GRID2IP: variants seen among roughly 807,000 people sequenced by gnomAD.
The protein encoded by GRID2IP is delphilin.
In GRID2IP, 78 loss-of-function variants were observed where a neutral mutation model predicts 114.3. That is an observed-to-expected ratio of 0.68 (90% CI 0.57 to 0.82). GRID2IP has a LOEUF of 0.82. Among genes scored for constraint, GRID2IP ranks in the 40% least tolerant of loss-of-function variants. The pLI is 0.00. For missense variants in GRID2IP, 1,727 were observed against 1,678.5 expected, an observed-to-expected ratio of 1.03 and a Z score of -0.51; for synonymous variants, 809 against 724.0, an observed-to-expected ratio of 1.12 and a Z score of -1.89.
chr7:6,542,403 C>T (rs1160541526), intron 1 of GRID2IP, among the ~76,000 whole-genome samples: 2 of 151,964 alleles, frequency 1.3e-5, no homozygotes, highest in African/African-American at 4.8e-5. Context: ...CCTGTAATCC[C>T]AGTGCTTAGG....
chr7:6,508,646 G>A lies in GRID2IP; in HGVS notation c.2128-245C>T. Among the ~76,000 whole-genome samples the A allele has an allele frequency of 6.6e-6, 1 of 152,234 alleles. No individual in the cohort carries two copies. The highest frequency in any genetic ancestry group is 2.4e-5 in the African/African-American group (1 of 41,544). ...ATGGGTAAGCCTCAGGCTGTGAGGG[G>A]GATAGCCTGGAATAAGGACAGGACC... On this transcript the variant is annotated intron_variant, in intron 12 of 21. Coordinates refer to ENST00000457091, the MANE Select transcript of GRID2IP (RefSeq NM_001145118.2). The surrounding 1 kb of genome is among the most constrained non-coding windows in gnomAD (Gnocchi z 5.6).
rs190710985 is a variant in GRID2IP, at chr7:6,547,495, C to A, written c.429+3513G>T. ...CCCAGGAGTTGGAGGCTGTAGTGAG[C>A]TATGATTGTACCACTGCACTCCAAT... On this transcript the variant is annotated intron_variant, in intron 1 of 21. Transcript: ENST00000457091. Among the ~76,000 whole-genome samples, 272 of 152,110 alleles carry A rather than the reference C, an allele frequency of 1.8e-3. 1 individual carries two copies. The highest frequency in any genetic ancestry group is 5.7e-3 in the African/African-American group (236 of 41,484).
At position 6,498,174 on chromosome 7, in the gene GRID2IP, C is replaced by T. The variant is rs535458225; in HGVS notation, c.3454G>A (p.Glu1152Lys). The change falls in exon 21 of 22, where the codon GAG becomes AAG. Residue 1152 changes from glutamate to lysine, a missense_variant. Coordinates refer to ENST00000457091, the MANE Select transcript of GRID2IP (RefSeq NM_001145118.2). Reference protein sequence around the residue: ...ALRALDGLQREAMEELGKALA... With the variant: ...ALRALDGLQRKAMEELGKALA... ...GCCTTGCCCAGCTCCTCCATGGCCT[C>T]GCGCTGCAGCCCGTCGAGCGCCCGA... The T allele has an allele frequency of 1.0e-4, 155 of 1,551,250 alleles. No individual in the cohort carries two copies. Among genetic ancestry groups the T allele is most frequent in the East Asian group, 1.5e-4 (6 of 40,916 alleles).
At chr7:6,531,688 G>A (rs1245842765) in intron 2 of GRID2IP, among the ~76,000 whole-genome samples, 1 of 152,240 alleles carries the variant, frequency 6.6e-6, no homozygotes, top group Non-Finnish European at 1.5e-5. Context: ...GCCGAGAAGA[G>A]GCTGGATAGG....
rs1304975824 is a variant in GRID2IP, at chr7:6,510,698, C to T, written c.1564G>A (p.Glu522Lys). 2.2e-5 allele frequency: 34 copies of T among 1,548,498 alleles called. No homozygotes were observed. The highest frequency in any genetic ancestry group is 3.3e-4 in the Middle Eastern group (2 of 5,990). ...AGGGGAAGAGGCATCTCAGGGCACT[C>T]GCTGGGACCTACCGGGGAATAATGT... is the stretch of plus-strand genomic sequence containing the variant. ...LEAGLSCGPS[E>K]CPEMPLPLIP... The change falls in exon 10 of 22, where the codon GAG (glutamate) becomes AAG (lysine). Residue 522 changes from glutamate (E) to lysine (K), a missense_variant. Coordinates refer to ENST00000457091, the MANE Select transcript of GRID2IP (RefSeq NM_001145118.2).
At chr7:6,497,998 T>G in intron 21 of GRID2IP, 66 bp downstream of exon 21, 1 of 1,457,804 alleles carries the variant, frequency 6.9e-7, no homozygotes, top group Non-Finnish European at 9.2e-7. Context: ...TCATGGAGGA[T>G]CCCTTCATTT....
At position 6,548,284 on chromosome 7, in the gene GRID2IP, C is replaced by T. The variant is rs187718143; in HGVS notation, c.429+2724G>A. Among the ~76,000 whole-genome samples the T allele has an allele frequency of 4.8e-3, 728 of 151,332 alleles. 6 individuals carry two copies. The highest frequency in any genetic ancestry group is 7.6e-3 in the Non-Finnish European group (518 of 67,804). ...AGGAGAATTGCTTAAACCCGGGAGG[C>T]GGAGGTTGCAGTGAGCCGAGATCGT... On this transcript the variant is annotated intron_variant, in intron 1 of 21. Transcript: ENST00000457091.
At chr7:6,501,399 T>A (rs376569256) in intron 20 of GRID2IP, among the ~76,000 whole-genome samples, 3 of 151,802 alleles carry the variant, frequency 2.0e-5, no homozygotes, top group African/African-American at 7.3e-5. Flanking sequence ...AATAAATAAA[T>A]AAATTTATAA....
rs373935253 is a variant in GRID2IP at position 6,510,668 on chromosome 7, G to A, written c.1594C>T (p.Pro532Ser). The A allele has an allele frequency of 2.1e-5, 33 of 1,541,742 alleles. No homozygotes were observed. The African/African-American group carries it at 4.3e-4, about 20-fold the overall frequency. The change falls in exon 10 of 22, where the codon CCA becomes TCA. Residue 532 changes from proline to serine, a missense_variant. Pro to Ser is a moderately conservative substitution (Grantham distance 74). Coordinates refer to ENST00000457091, the MANE Select transcript of GRID2IP (RefSeq NM_001145118.2). ...ECPEMPLPLIPGERQAGDGTS... is the reference protein window; with the variant it reads ...ECPEMPLPLISGERQAGDGTS... ...CCGTCGCCTGCCTGGCGCTCGCCTG[G>A]GATCAGGGGAAGAGGCATCTCAGGG... is the stretch of plus-strand genomic sequence containing the variant.
In GRID2IP at chr7:6,528,833, C is replaced by T. The variant is rs1455681591; in HGVS notation, c.585-2064G>A. Among the ~76,000 whole-genome samples the T allele has an allele frequency of 6.6e-6, 1 of 152,114 alleles. No individual in the cohort carries two copies. Among genetic ancestry groups the T allele is most frequent in the African/African-American group, 2.4e-5 (1 of 41,398 alleles). On this transcript the variant is annotated intron_variant, in intron 2 of 21. Transcript: ENST00000457091. This position sits in a 1 kb window ranked among gnomAD's most constrained non-coding sequence, Gnocchi z 6.0. ...ACCAGGAACCAGGATGAATGTCCTG[C>T]TCACCTCTGCCCGGTGCCCATTCCC... is the stretch of plus-strand genomic sequence containing the variant.
chr7:6,546,143 G>A (rs200651051), intron 1 of GRID2IP, among the ~76,000 whole-genome samples: 3 of 151,766 alleles, frequency 2.0e-5, no homozygotes, highest in Non-Finnish European at 4.4e-5. Context: ...AAGCGCAGGC[G>A]AGAACTGGAG....
At chr7:6,544,940 A>G (rs12540070) in intron 1 of GRID2IP, among the ~76,000 whole-genome samples, 132,973 of 151,978 alleles carry the variant, frequency 0.87, 58,820 homozygotes, top group African/African-American at 0.96. Flanking sequence ...AAAATTAGCC[A>G]GGTGGGCGTG....
intron 1 of GRID2IP, 25 bp from the exon 2 acceptor site, chr7:6,539,897 A>T (rs1779787112): frequency 1.3e-6 from 2 of 1,543,694 alleles, no homozygotes. Context: ...CCTGTGAATG[A>T]CCAAAAGGGA....
rs1334204758 is a variant in GRID2IP at position 6,508,920 on chromosome 7, C to A, written c.2127+38G>T. The A allele has an allele frequency of 7.9e-6, 12 of 1,526,660 alleles. No individual in the cohort carries two copies. Among genetic ancestry groups the A allele is most frequent in the Non-Finnish European group, 1.1e-5 (12 of 1,139,990 alleles). 94.6% of individuals were successfully genotyped at this position (1,526,660 alleles called of 1,614,324 possible). A position where few individuals can be genotyped will look rare whatever the true frequency, so the allele number is the denominator to read the frequency against. On this transcript the variant is annotated intron_variant, in intron 12 of 21. Coordinates refer to ENST00000457091, the MANE Select transcript of GRID2IP (RefSeq NM_001145118.2). The surrounding 1 kb of genome is among the most constrained non-coding windows in gnomAD (Gnocchi z 5.6). ...TTGCCTTGCAGACCGCCACACCTCG[C>A]CTCACCCGCCTCCCTCCACACCTGC...
chr7:6,502,890 G>A lies in GRID2IP; in HGVS notation c.3064-18C>T. 1 of 1,547,362 alleles carries A rather than the reference G, an allele frequency of 6.5e-7. No individual in the cohort carries two copies. The highest frequency in any genetic ancestry group is 8.7e-7 in the Non-Finnish European group (1 of 1,143,020). Reference sequence around the variant, plus strand: ...AACACAAACTGTGGACAAGAAGGTGGGTAGGTCCTGTCCTCACCCCACCAC... The same window carrying A: ...AACACAAACTGTGGACAAGAAGGTGAGTAGGTCCTGTCCTCACCCCACCAC... On this transcript the variant is annotated intron_variant, in intron 17 of 21. Coordinates refer to ENST00000457091, the MANE Select transcript of GRID2IP (RefSeq NM_001145118.2).
intron 20 of GRID2IP, among the ~76,000 whole-genome samples, chr7:6,500,290 C>T (rs1786375473): frequency 6.6e-6 from 1 of 151,934 alleles, no homozygotes; most frequent in South Asian, 2.1e-4. Flanking sequence ...AGTGAAACCC[C>T]ATCTCTACTA....
Position 6,551,116 on chromosome 7 carries a change from G to A in GRID2IP, c.321C>T (p.Cys107=), listed in dbSNP as rs1175434916. 2.1e-5 allele frequency: 27 copies of A among 1,294,820 alleles called. No homozygotes were observed. The highest frequency in any genetic ancestry group is 2.5e-5 in the Non-Finnish European group (26 of 1,025,284). 80.2% of individuals were successfully genotyped at this position (1,294,820 alleles called of 1,614,324 possible). A position where few individuals can be genotyped will look rare whatever the true frequency, so the allele number is the denominator to read the frequency against. Residue 107 remains cysteine, a synonymous_variant, in exon 1 of 22, where the codon TGC becomes TGT. Coordinates refer to ENST00000457091, the MANE Select transcript of GRID2IP (RefSeq NM_001145118.2). ...CACGGCCCAGAGCTAGGCCGCGGCC[G>A]CACCGCGGGGCCCGCAAGACTGTGG... is the stretch of plus-strand genomic sequence containing the variant. ...APTTVLRAPR[C]GRGLALGREL...
Position 6,533,455 on chromosome 7 carries a change from C to CG in GRID2IP, c.584+6262_584+6263insC, listed in dbSNP as rs963608975. On this transcript the variant is annotated intron_variant, in intron 2 of 21. Transcript: ENST00000457091. ...ATCACTGCAGCCTCAAATTCCTGGG[C>CG]TTAAGTGATCCTCCCACCTCAGCCT... Among the ~76,000 whole-genome samples the CG allele has an allele frequency of 7.7e-3, 1,173 of 152,210 alleles. 17 individuals carry two copies. Among genetic ancestry groups the CG allele is most frequent in the African/African-American group, 0.027 (1,137 of 41,512 alleles).
chr7:6,537,497 C>T (rs982220688), intron 2 of GRID2IP, among the ~76,000 whole-genome samples: 1 of 148,570 alleles, frequency 6.7e-6, no homozygotes, highest in South Asian at 2.2e-4. Context: ...CCTGCCTCAG[C>T]CTCCCCAGTA....
Sources: allele counts gnomAD v4.1 joint callset (sites outside exome capture counted in the v4.1 genomes callset), GRCh38; gene constraint gnomAD v4.1.1; non-coding constraint Gnocchi (gnomAD v3.1); transcripts MANE v1.5; gene names NCBI Gene and HGNC (gene_info 2026-07-23, HGNC 2026-07-21).